Variants in RIN3 observed in about 807,000 individuals in gnomAD.
RIN3 encodes the protein Ras and Rab interactor 3.
In RIN3, 54 loss-of-function variants were observed where a neutral mutation model predicts 76.3. That is an observed-to-expected ratio of 0.71 (90% CI 0.57 to 0.89). The LOEUF (loss-of-function observed/expected upper bound fraction) is 0.89, where lower values mean the gene tolerates loss of function less well. RIN3 is among the 40% of genes least tolerant of loss of function. The pLI is 0.00. For missense variants in RIN3, 1,256 were observed against 1,322.1 expected, an observed-to-expected ratio of 0.95 and a Z score of 0.78; for synonymous variants, 576 against 564.0, an observed-to-expected ratio of 1.02 and a Z score of -0.30.
intron 3 of RIN3, among the ~76,000 whole-genome samples, chr14:92,612,983 G>T (rs189241094): frequency 3.3e-5 from 5 of 152,216 alleles, no homozygotes; most frequent in African/African-American, 1.2e-4. Flanking sequence ...GGCACAGAAG[G>T]GGGTGTGACT....
chr14:92,634,855 C>CAAA (rs1566878429), intron 4 of RIN3, among the ~76,000 whole-genome samples: 1 of 104,688 alleles, frequency 9.6e-6, no homozygotes, highest in African/African-American at 4.0e-5. Context: ...GAGACTCTAT[C>CAAA]TAAAAAAAAA....
At chr14:92,551,261 C>T (rs561444175) in intron 1 of RIN3, among the ~76,000 whole-genome samples, 1 of 152,226 alleles carries the variant, frequency 6.6e-6, no homozygotes. Flanking sequence ...TTCTGAGATT[C>T]GTTCATGTGG....
intron 1 of RIN3, among the ~76,000 whole-genome samples, chr14:92,531,697 G>A (rs1192625046): frequency 6.6e-6 from 1 of 152,154 alleles, no homozygotes; most frequent in African/African-American, 2.4e-5. Flanking sequence ...GTGACGCTGT[G>A]TAGTTTCCTG....
intron 1 of RIN3, among the ~76,000 whole-genome samples, chr14:92,531,335 G>A (rs1896874162): frequency 6.6e-6 from 1 of 152,190 alleles, no homozygotes; most frequent in Non-Finnish European, 1.5e-5. Flanking sequence ...GTCTATGACA[G>A]CCAGTGTCCT....
intron 7 of RIN3, among the ~76,000 whole-genome samples, chr14:92,665,799 T>C (rs894750613): frequency 2.0e-5 from 3 of 151,982 alleles, no homozygotes; most frequent in Admixed American, 6.6e-5. Context: ...GATGATTAGA[T>C]TGAGGTTATG....
At chr14:92,532,129 A>G (rs903827613) in intron 1 of RIN3, among the ~76,000 whole-genome samples, 3 of 152,008 alleles carry the variant, frequency 2.0e-5, no homozygotes, top group Admixed American at 1.3e-4. Flanking sequence ...AGGTTTCACC[A>G]TGTTGGCCGG....
chr14:92,638,103 A>G (rs1180785865), intron 4 of RIN3, among the ~76,000 whole-genome samples: 4 of 152,168 alleles, frequency 2.6e-5, no homozygotes, highest in African/African-American at 9.7e-5. Flanking sequence ...GAAGAGGTGC[A>G]GTGGTGAATT....
chr14:92,544,414 T>TGGGGG (rs71123353), intron 1 of RIN3, among the ~76,000 whole-genome samples: 461 of 74,534 alleles, frequency 6.2e-3, no homozygotes, highest in Non-Finnish European at 7.1e-3. Flanking sequence ...GTGACAGCTG[T>TGGGGG]GGGGGGGGGG....
At position 92,572,341 on chromosome 14, in the gene RIN3, T is replaced by C. The variant is rs75385857; in HGVS notation, c.250-5019T>C. ...CCGGTGTTTCTAGAAGAAGGTCCTA[T>C]ACAAGTTACACTCCGCCATTTTGCC... On this transcript the variant is annotated intron_variant, in intron 2 of 9. Coordinates refer to ENST00000216487, the MANE Select transcript of RIN3 (RefSeq NM_024832.5). Among the ~76,000 whole-genome samples the C allele has an allele frequency of 9.2e-3, 1,398 of 152,346 alleles. 23 individuals are homozygous for C. Among genetic ancestry groups the C allele is most frequent in the African/African-American group, 0.031 (1,286 of 41,580 alleles).
intron 5 of RIN3, among the ~76,000 whole-genome samples, chr14:92,645,645 T>C (rs1014662315): frequency 1.3e-5 from 2 of 152,198 alleles, no homozygotes; most frequent in African/African-American, 4.8e-5. Flanking sequence ...GCACGGGCTT[T>C]CTTTTGGGGT....
At chr14:92,604,745 C>G (rs1287998290) in intron 3 of RIN3, among the ~76,000 whole-genome samples, 1 of 151,908 alleles carries the variant, frequency 6.6e-6, no homozygotes, top group Admixed American at 6.6e-5. Flanking sequence ...CCCTACCAAC[C>G]AAATGTTCAA....
chr14:92,673,794 C>T (rs1161001238), intron 7 of RIN3, among the ~76,000 whole-genome samples: 1 of 152,226 alleles, frequency 6.6e-6, no homozygotes, highest in Non-Finnish European at 1.5e-5. Context: ...ACATGAGCCA[C>T]CGCGCCCGGC....
chr14:92,643,435 A>T lies in RIN3; in HGVS notation c.532+2106A>T, dbSNP rs940870080. Among the ~76,000 whole-genome samples the T allele has an allele frequency of 4.6e-5, 7 of 152,180 alleles. No homozygotes were observed. Among genetic ancestry groups the T allele is most frequent in the Non-Finnish European group, 1.0e-4 (7 of 68,030 alleles). On this transcript the variant is annotated intron_variant, in intron 5 of 9. Coordinates refer to ENST00000216487, the MANE Select transcript of RIN3 (RefSeq NM_024832.5). This position sits in a 1 kb window ranked among gnomAD's most constrained non-coding sequence, Gnocchi z 4.8. ...GGGCAAGTTTTCAGTTGCTTTTGGG[A>T]ATCAACTTGCTATTAAACTTTGCTT...
Position 92,546,301 on chromosome 14 carries a change from G to A in RIN3, c.45-9450G>A, listed in dbSNP as rs548904743. Among the ~76,000 whole-genome samples, 74 of 152,286 alleles carry A rather than the reference G, an allele frequency of 4.9e-4. 1 individual carries two copies. The highest frequency in any genetic ancestry group is 7.2e-4 in the Non-Finnish European group (49 of 68,030). On this transcript the variant is annotated intron_variant, in intron 1 of 9. Transcript: ENST00000216487. ...GCATGTGATCTTCTGACACATTCATGTAATGTATCAGAATCAAATCGGGGG... is the reference window on the plus strand; with the variant it reads ...GCATGTGATCTTCTGACACATTCATATAATGTATCAGAATCAAATCGGGGG...
At chr14:92,537,975 T>C (rs1341186900) in intron 1 of RIN3, among the ~76,000 whole-genome samples, 1 of 152,138 alleles carries the variant, frequency 6.6e-6, no homozygotes, top group Non-Finnish European at 1.5e-5. Context: ...TAGCTGGGAC[T>C]ACAGGCGCCC....
intron 1 of RIN3, chr14:92,515,143 C>G (rs1455649606): frequency 1.5e-6 from 1 of 671,296 alleles, no homozygotes; most frequent in Non-Finnish European, 2.7e-6. Flanking sequence ...CCCTTCCCTT[C>G]TTCTCCCTCC....
chr14:92,640,015 T>G (rs1886940177), intron 4 of RIN3, among the ~76,000 whole-genome samples: 1 of 141,578 alleles, frequency 7.1e-6, no homozygotes. Context: ...GATGCCTGAC[T>G]GTGTGTTCGT....
chr14:92,579,279 G>A (rs2140061950), intron 3 of RIN3, among the ~76,000 whole-genome samples: 1 of 152,354 alleles, frequency 6.6e-6, no homozygotes, highest in East Asian at 1.9e-4. Flanking sequence ...TACAAAGGCG[G>A]CCTGGTCTCC....
intron 7 of RIN3, among the ~76,000 whole-genome samples, chr14:92,662,365 G>T (rs1441899131): frequency 2.6e-5 from 4 of 152,228 alleles, no homozygotes; most frequent in African/African-American, 9.6e-5. Flanking sequence ...GGGAGAGCAG[G>T]CAGGCTGGCC....
Sources: allele counts gnomAD v4.1 joint callset (sites outside exome capture counted in the v4.1 genomes callset), GRCh38; gene constraint gnomAD v4.1.1; non-coding constraint Gnocchi (gnomAD v3.1); transcripts MANE v1.5; gene names NCBI Gene and HGNC (gene_info 2026-07-23, HGNC 2026-07-21).